Variants in SART3 observed in about 807,000 individuals in gnomAD.
SART3 encodes spliceosome associated factor 3, U4/U6 recycling protein.
Under a neutral mutation model 122.3 loss-of-function variants are expected in SART3, and 44 were observed. The observed-to-expected ratio is 0.36, with a 90% CI of 0.28 to 0.46. The LOEUF is 0.46. SART3 is among the 20% of genes least tolerant of loss of function. The pLI is 1.00. For missense variants in SART3, 1,101 were observed against 1,229.0 expected, an observed-to-expected ratio of 0.90 and a Z score of 1.56; for synonymous variants, 442 against 454.0, an observed-to-expected ratio of 0.97 and a Z score of 0.34.
intron 15 of SART3, 60 bp downstream of exon 15, chr12:108,530,082 T>G: frequency 6.3e-7 from 1 of 1,584,812 alleles, no homozygotes; most frequent in Non-Finnish European, 8.7e-7. Flanking sequence ...CTTCATACTG[T>G]ATTCGCAACT....
chr12:108,550,096 G>C (rs2029944494), intron 1 of SART3, among the ~76,000 whole-genome samples: 1 of 151,320 alleles, frequency 6.6e-6, no homozygotes, highest in Non-Finnish European at 1.5e-5. Context: ...TTGATGCTGA[G>C]TGACAGGTAC....
intron 1 of SART3, among the ~76,000 whole-genome samples, chr12:108,557,060 A>C (rs1007163681): frequency 6.6e-6 from 1 of 152,210 alleles, no homozygotes; most frequent in Non-Finnish European, 1.5e-5. Flanking sequence ...TGAAGATACT[A>C]TATGTGGACA....
chr12:108,548,957 A>G lies in SART3; in HGVS notation c.439+131T>C, dbSNP rs2029884587. 4 of 1,356,228 alleles carry G rather than the reference A, an allele frequency of 2.9e-6. No individual in the cohort carries two copies. The African/African-American group carries it at 5.7e-5, about 19-fold the overall frequency. The allele number at this position is 1,356,228 out of a possible 1,614,324, so 84.0% of individuals were successfully genotyped here. On this transcript the variant is annotated intron_variant, in intron 2 of 18. Transcript: ENST00000546815. ...AATAAACTAAAAATAGCTAACTCTG[A>G]TGCGTTTTCTTCTTTCCACTACACT...
chr12:108,537,013 TG>T (rs1045939812), intron 9 of SART3: 47 of 544,396 alleles, frequency 8.6e-5, no homozygotes, highest in Middle Eastern at 5.0e-4. Flanking sequence ...CAGGGTGCTG[TG>T]GGGGGGAGTC....
intron 1 of SART3, among the ~76,000 whole-genome samples, chr12:108,557,457 G>C (rs1003381912): frequency 1.3e-5 from 2 of 152,178 alleles, no homozygotes; most frequent in Admixed American, 6.5e-5. Context: ...AGCTGTACTA[G>C]AATGGGGGAG....
At chr12:108,550,348 T>TAGA (rs1165718174) in intron 1 of SART3, among the ~76,000 whole-genome samples, 12 of 152,176 alleles carry the variant, frequency 7.9e-5, no homozygotes, top group African/African-American at 2.7e-4. Context: ...CCTCATGAGC[T>TAGA]TTCTAAATCA....
At chr12:108,524,690 C>A in intron 17 of SART3, 184 bp from the exon 18 acceptor site, 1 of 639,142 alleles carries the variant, frequency 1.6e-6, no homozygotes. Flanking sequence ...CCCCACCCTA[C>A]TCTCCTTCCC....
chr12:108,545,339 G>A lies in SART3; in HGVS notation c.545-16C>T, dbSNP rs185547175. 2 of 1,613,196 alleles carry A rather than the reference G, an allele frequency of 1.2e-6. No homozygotes were observed. Among genetic ancestry groups the A allele is most frequent in the African/African-American group, 1.3e-5 (1 of 75,022 alleles). On this transcript the variant is annotated splice_polypyrimidine_tract_variant and intron_variant, in intron 3 of 18. Coordinates refer to ENST00000546815, the MANE Select transcript of SART3 (RefSeq NM_014706.4). ...ATGTTAGGACCTAAAAATAAGAAGT[G>A]TTCAATTAGTTTGGGATATAAAATA...
At chr12:108,548,838 TTACA>T (rs2029882505) in intron 2 of SART3, among the ~76,000 whole-genome samples, 1 of 152,214 alleles carries the variant, frequency 6.6e-6, no homozygotes. Context: ...CCAAGTTTAA[TTACA>T]TTACAAATGT....
chr12:108,542,030 T>G, intron 6 of SART3, among the ~76,000 whole-genome samples: 1 of 95,030 alleles, frequency 1.1e-5, no homozygotes, highest in Non-Finnish European at 2.0e-5. Context: ...TTTTTTTTGG[T>G]AGAGACAGGG....
intron 6 of SART3, among the ~76,000 whole-genome samples, chr12:108,540,010 T>C (rs1170876869): frequency 1.3e-5 from 2 of 152,238 alleles, no homozygotes; most frequent in Non-Finnish European, 2.9e-5. Flanking sequence ...GCTTGACGTA[T>C]ATTAAGAATC....
chr12:108,526,827 G>A (rs1444255044), intron 15 of SART3, among the ~76,000 whole-genome samples: 3 of 152,152 alleles, frequency 2.0e-5, no homozygotes, highest in Non-Finnish European at 4.4e-5. Flanking sequence ...TTATACAAAA[G>A]GTCAGTGGAT....
chr12:108,555,175 TAAG>T (rs1224207272), intron 1 of SART3, among the ~76,000 whole-genome samples: 2 of 152,188 alleles, frequency 1.3e-5, no homozygotes, highest in African/African-American at 4.8e-5. Context: ...ACCATACACT[TAAG>T]AATAAGATAG....
intron 1 of SART3, among the ~76,000 whole-genome samples, chr12:108,559,215 G>T (rs1043553118): frequency 2.2e-4 from 33 of 152,234 alleles, no homozygotes; most frequent in Non-Finnish European, 4.6e-4. Context: ...ACTCAGTAAG[G>T]TTTAATGAGT....
chr12:108,524,307 A>AGCACTTACGCTCCGTATGTCTGCGGC lies in SART3; in HGVS notation c.2697_2714+8dup. On this transcript the variant is annotated intron_variant, in intron 18 of 18. Transcript: ENST00000546815. ...GAAGTTTGCACTAGTCTACCATGCAAGCACTTACGCTCCGTATGTCTGCGG... is the reference window on the plus strand; with the variant it reads ...GAAGTTTGCACTAGTCTACCATGCAAGCACTTACGCTCCGTATGTCTGCGGCGCACTTACGCTCCGTATGTCTGCGG... The AGCACTTACGCTCCGTATGTCTGCGGC allele has an allele frequency of 6.2e-7, 1 of 1,611,862 alleles. No individual in the cohort carries two copies. Among genetic ancestry groups the AGCACTTACGCTCCGTATGTCTGCGGC allele is most frequent in the Non-Finnish European group, 8.5e-7 (1 of 1,178,752 alleles).
chr12:108,525,389 T>C (rs17040655), intron 17 of SART3, 68 bp downstream of exon 17: 139,680 of 1,563,116 alleles, frequency 0.089, 9,225 homozygotes, highest in Admixed American at 0.34. Context: ...TAAATCATCT[T>C]TGAACCGATA....
rs1377925264 is a variant in SART3 at position 108,535,438 on chromosome 12, G to A, written c.1477C>T (p.Arg493Trp). ...GTCATGATGCTATCCCAGAGTTCCC[G>A]AGCTTTCTGCATGTTATTGCACAGT... Reference protein sequence around the residue: ...ARLCNNMQKARELWDSIMTRG... With the variant: ...ARLCNNMQKAWELWDSIMTRG... Residue 493 changes from arginine (R) to tryptophan (W), a missense_variant, in exon 12 of 19, where the codon CGG becomes TGG. Coordinates refer to ENST00000546815, the MANE Select transcript of SART3 (RefSeq NM_014706.4). The A allele has an allele frequency of 1.2e-6, 2 of 1,613,888 alleles. No homozygotes were observed. The highest frequency in any genetic ancestry group is 8.5e-7 in the Non-Finnish European group (1 of 1,180,010).
Position 108,533,367 on chromosome 12 carries a change from C to A in SART3, c.1557-1033G>T, listed in dbSNP as rs1041142706. ...AGTACACTTAAAGCCCTTCTGCATA[C>A]TGAAGTACAATGGTTATTGCCAAAA... is the stretch of plus-strand genomic sequence containing the variant. On this transcript the variant is annotated intron_variant, in intron 12 of 18. Coordinates refer to ENST00000546815, the MANE Select transcript of SART3 (RefSeq NM_014706.4). 6.6e-5 allele frequency among the ~76,000 whole-genome samples: 9 copies of A among 136,646 alleles called. 1 individual carries two copies. In the East Asian group the frequency reaches 2.0e-3, roughly 30 times the overall value. 89.6% of individuals were successfully genotyped at this position (136,646 alleles called of 152,430 possible).
intron 1 of SART3, among the ~76,000 whole-genome samples, chr12:108,557,781 G>A (rs985892207): frequency 1.3e-5 from 2 of 152,290 alleles, no homozygotes; most frequent in Admixed American, 1.3e-4. Flanking sequence ...ACCATGAAGT[G>A]CCACTTTTAA....
Sources: gnomAD v4.1 joint callset for allele counts (sites outside exome capture counted in the v4.1 genomes callset) on GRCh38, gnomAD v4.1.1 for gene constraint, MANE v1.5 for transcripts, NCBI Gene and HGNC (gene_info 2026-07-23, HGNC 2026-07-21) for gene names.